The following KLHL1 variants were observed in gnomAD, a reference collection of about 807,000 sequenced individuals.
The protein encoded by KLHL1 is kelch-like protein 1.
A neutral mutation model predicts 77.7 loss-of-function variants in KLHL1; 47 were observed. That is an observed-to-expected ratio of 0.60 (90% CI 0.48 to 0.77). The LOEUF (loss-of-function observed/expected upper bound fraction) is 0.77, where lower values mean the gene tolerates loss of function less well. Among genes scored for constraint, KLHL1 ranks in the 30% least tolerant of loss-of-function variants. The pLI, the probability that KLHL1 is intolerant of heterozygous loss-of-function variation, is 0.00. For missense variants in KLHL1, 925 were observed against 910.8 expected (o/e 1.02, Z -0.20); for synonymous variants, 360 against 325.2 (o/e 1.11, Z -1.15).
intron 10 of KLHL1, among the ~76,000 whole-genome samples, chr13:69,704,833 GA>G (rs1429851068): frequency 4.6e-5 from 7 of 151,660 alleles, no homozygotes; most frequent in African/African-American, 1.7e-4. Context: ...CAGAACCAAT[GA>G]AATAAAAGTA....
rs763685387 is a variant in KLHL1, at chr13:69,838,993, C to A, written c.1397G>T (p.Gly466Val). 1 of 1,604,714 alleles carries A rather than the reference C, an allele frequency of 6.2e-7. No homozygotes were observed. Among genetic ancestry groups the A allele is most frequent in the Non-Finnish European group, 8.5e-7 (1 of 1,175,494 alleles). ...TTAAATACCTTTGTTGTTATCCATT[C>A]CTCCTACAGCATACAAAGTTCCGAC... is the stretch of plus-strand genomic sequence containing the variant. Reference protein sequence around the residue: ...STVGTLYAVGGMDNNKGATTI... With the variant: ...STVGTLYAVGVMDNNKGATTI... The change falls in exon 6 of 11, where the codon GGA becomes GTA. Residue 466 changes from glycine (G) to valine (V), a missense_variant. Coordinates refer to ENST00000377844, the MANE Select transcript of KLHL1 (RefSeq NM_020866.3).
At chr13:69,725,175 T>A (rs1873240975) in intron 8 of KLHL1, among the ~76,000 whole-genome samples, 1 of 152,224 alleles carries the variant, frequency 6.6e-6, no homozygotes, top group Non-Finnish European at 1.5e-5. Flanking sequence ...GAAGTCACTA[T>A]CTTTATCTTC....
rs1376718908 is a variant in KLHL1, at chr13:69,934,970, A to G, written c.1014+5070T>C. On this transcript the variant is annotated intron_variant, in intron 4 of 10. Coordinates refer to ENST00000377844, the MANE Select transcript of KLHL1 (RefSeq NM_020866.3). Reference sequence around the variant, plus strand: ...CGTGTGTGTGTGCATGTGTATATATATATATATATATATATATATGTATAT... The same window carrying G: ...CGTGTGTGTGTGCATGTGTATATATGTATATATATATATATATATGTATAT... Among the ~76,000 whole-genome samples the G allele has an allele frequency of 3.4e-4, 44 of 131,130 alleles. 1 individual carries two copies. The highest frequency in any genetic ancestry group is 2.9e-3 in the East Asian group (14 of 4,866). The allele number at this position is 131,130 out of a possible 152,430, so 86.0% of individuals were successfully genotyped here. A position where few individuals can be genotyped will look rare whatever the true frequency, so the allele number is the denominator to read the frequency against.
At chr13:69,839,749 A>G (rs1566311609) in intron 5 of KLHL1, among the ~76,000 whole-genome samples, 1 of 152,014 alleles carries the variant, frequency 6.6e-6, no homozygotes, top group East Asian at 1.9e-4. Context: ...AAAATTCAGC[A>G]CCCAATAGAC....
intron 5 of KLHL1, among the ~76,000 whole-genome samples, chr13:69,863,154 A>T (rs1410432609): frequency 6.6e-6 from 1 of 152,078 alleles, no homozygotes; most frequent in East Asian, 1.9e-4. Context: ...ACTTAGTCTT[A>T]TGTAGTTGTA....
At chr13:70,074,451 C>A (rs191426159) in intron 1 of KLHL1, among the ~76,000 whole-genome samples, 171 of 152,106 alleles carry the variant, frequency 1.1e-3, no homozygotes, top group Non-Finnish European at 1.8e-3. Flanking sequence ...TCCCCACCCC[C>A]ACATCTACCT....
chr13:69,857,899 T>C (rs1340750954), intron 5 of KLHL1, among the ~76,000 whole-genome samples: 1 of 151,822 alleles, frequency 6.6e-6, no homozygotes, highest in Non-Finnish European at 1.5e-5. Context: ...AATATACTCA[T>C]CTGGGTAATT....
chr13:69,762,215 A>C (rs1875060180), intron 7 of KLHL1, among the ~76,000 whole-genome samples: 1 of 152,180 alleles, frequency 6.6e-6, no homozygotes, highest in South Asian at 2.1e-4. Context: ...TATTACAGAC[A>C]CAATGGCATT....
At chr13:69,748,075 A>G (rs1417025540) in intron 7 of KLHL1, among the ~76,000 whole-genome samples, 1 of 152,064 alleles carries the variant, frequency 6.6e-6, no homozygotes, top group African/African-American at 2.4e-5. Context: ...CCTATATTCT[A>G]GAGGAGAATA....
At chr13:70,054,952 A>G (rs528705684) in intron 1 of KLHL1, among the ~76,000 whole-genome samples, 2 of 152,176 alleles carry the variant, frequency 1.3e-5, no homozygotes, top group South Asian at 2.1e-4. Context: ...AAAAGGGCAA[A>G]TCTAAGTTAT....
At chr13:70,045,510 A>C (rs1321559607) in intron 1 of KLHL1, among the ~76,000 whole-genome samples, 3 of 152,118 alleles carry the variant, frequency 2.0e-5, no homozygotes, top group Non-Finnish European at 2.9e-5. Context: ...ATGAAACAAA[A>C]AAGTGGGGAA....
intron 1 of KLHL1, among the ~76,000 whole-genome samples, chr13:70,016,642 G>A (rs1316959427): frequency 6.6e-6 from 1 of 152,184 alleles, no homozygotes; most frequent in Non-Finnish European, 1.5e-5. Context: ...GGCTGAGAGT[G>A]GCTCAGCACA....
intron 7 of KLHL1, among the ~76,000 whole-genome samples, chr13:69,769,934 C>T (rs1378417421): frequency 1.3e-5 from 2 of 152,146 alleles, no homozygotes; most frequent in Non-Finnish European, 2.9e-5. Context: ...CGGTGACATG[C>T]TCCTGTTTGC....
intron 8 of KLHL1, among the ~76,000 whole-genome samples, chr13:69,721,937 C>T (rs1316385482): frequency 6.6e-6 from 1 of 151,954 alleles, no homozygotes; most frequent in Non-Finnish European, 1.5e-5. Context: ...CATTCACTTA[C>T]AAGTTTTTAA....
intron 4 of KLHL1, among the ~76,000 whole-genome samples, chr13:69,921,148 C>A (rs1882620122): frequency 6.6e-6 from 1 of 152,152 alleles, no homozygotes; most frequent in African/African-American, 2.4e-5. Context: ...ATAGCATTTT[C>A]TTTAGAATAA....
At chr13:70,049,562 T>C (rs906633291) in intron 1 of KLHL1, among the ~76,000 whole-genome samples, 6 of 152,192 alleles carry the variant, frequency 3.9e-5, no homozygotes, top group Admixed American at 6.5e-5. Flanking sequence ...AAACAAGCAT[T>C]TATAATTTAT....
intron 1 of KLHL1, among the ~76,000 whole-genome samples, chr13:70,001,886 T>A (rs1013646695): frequency 1.3e-5 from 2 of 151,634 alleles, no homozygotes; most frequent in Non-Finnish European, 3.0e-5. Context: ...AGGCTTAACA[T>A]CTAATTTACA....
chr13:70,095,837 C>T (rs568218903), intron 1 of KLHL1, among the ~76,000 whole-genome samples: 1 of 151,952 alleles, frequency 6.6e-6, no homozygotes, highest in Non-Finnish European at 1.5e-5. Flanking sequence ...CCACCCCCCC[C>T]ACCACACTCG....
chr13:69,916,053 C>A (rs1938791215), intron 4 of KLHL1, among the ~76,000 whole-genome samples: 1 of 152,134 alleles, frequency 6.6e-6, no homozygotes, highest in Non-Finnish European at 1.5e-5. Context: ...CCATCTCACA[C>A]CAGTTAGAAT....
Sources: allele counts gnomAD v4.1 joint callset (sites outside exome capture counted in the v4.1 genomes callset), GRCh38; gene constraint gnomAD v4.1.1; transcripts MANE v1.5; gene names NCBI Gene and HGNC (gene_info 2026-07-23, HGNC 2026-07-21).